The following DLGAP2 variants were observed in gnomAD, a reference collection of about 807,000 sequenced individuals.
DLGAP2 encodes disks large-associated protein 2.
A neutral mutation model predicts 100.3 loss-of-function variants in DLGAP2; 26 were observed. That is an observed-to-expected ratio of 0.26 (90% CI 0.19 to 0.36). DLGAP2 has a LOEUF of 0.36. Ranked by LOEUF, DLGAP2 falls within the 10% of genes least tolerant of loss-of-function variation. The pLI is 1.00. For synonymous variants in DLGAP2, 886 were observed against 630.1 expected, an observed-to-expected ratio of 1.41 and a Z score of -6.08; for missense variants, 1,858 against 1,453.2, an observed-to-expected ratio of 1.28 and a Z score of -4.53.
chr8:1,558,403 C>A (rs1254590627), intron 5 of DLGAP2, among the ~76,000 whole-genome samples: 1 of 152,180 alleles, frequency 6.6e-6, no homozygotes, highest in Non-Finnish European at 1.5e-5. Flanking sequence ...GGGGGACACA[C>A]CTATGGGTCA....
At chr8:1,109,106 G>T (rs1804873478) in intron 2 of DLGAP2, among the ~76,000 whole-genome samples, 1 of 135,482 alleles carries the variant, frequency 7.4e-6, no homozygotes, top group Non-Finnish European at 1.6e-5. Flanking sequence ...GTGTGCACGG[G>T]TCTGTGAGGT....
chr8:1,365,893 C>T lies in DLGAP2; in HGVS notation c.106+107010C>T, dbSNP rs560939602. Among the ~76,000 whole-genome samples the T allele has an allele frequency of 3.9e-5, 6 of 152,314 alleles. No individual in the cohort carries two copies. In the South Asian group the frequency reaches 1.2e-3, roughly 32 times the overall value. On this transcript the variant is annotated intron_variant, in intron 3 of 14. Coordinates refer to ENST00000637795, the MANE Select transcript of DLGAP2 (RefSeq NM_001346810.2). ...TCTAACTCCCCAGAATAAACATCTG[C>T]CCAGGAGGAAAAACAGGTGATGGCA...
chr8:1,027,476 C>T (rs564206374), intron 2 of DLGAP2, among the ~76,000 whole-genome samples: 4 of 142,046 alleles, frequency 2.8e-5, no homozygotes, highest in East Asian at 2.2e-4. Context: ...GGGTGTCAGG[C>T]GCCCATTATT....
chr8:1,091,068 C>G (rs903033239), intron 2 of DLGAP2, among the ~76,000 whole-genome samples: 1 of 152,134 alleles, frequency 6.6e-6, no homozygotes, highest in Non-Finnish European at 1.5e-5. Flanking sequence ...AGTCTTGCCC[C>G]GTCTGCGCAC....
chr8:1,647,325 A>G (rs1289646809), intron 8 of DLGAP2, among the ~76,000 whole-genome samples: 1 of 151,676 alleles, frequency 6.6e-6, no homozygotes. Flanking sequence ...TCTCTACTAA[A>G]CAAAACACAA....
At chr8:905,724 G>C (rs528719147) in intron 1 of DLGAP2, among the ~76,000 whole-genome samples, 1 of 152,162 alleles carries the variant, frequency 6.6e-6, no homozygotes, top group Non-Finnish European at 1.5e-5. Flanking sequence ...CGGCATTTGA[G>C]GGGGGCGCCA....
chr8:1,012,834 C>T (rs1008713990), intron 2 of DLGAP2, among the ~76,000 whole-genome samples: 6 of 151,642 alleles, frequency 4.0e-5, no homozygotes, highest in African/African-American at 9.7e-5. Context: ...AGTGTTCCCC[C>T]GCCTCCACCC....
intron 3 of DLGAP2, chr8:1,379,671 G>A (rs1796045680): frequency 6.6e-6 from 1 of 152,278 alleles, no homozygotes; most frequent in Admixed American, 6.5e-5. Context: ...CTTTCTAACT[G>A]GCAGGGACCC....
intron 3 of DLGAP2, chr8:1,297,063 C>CCGG (rs2116982621): frequency 6.6e-6 from 1 of 152,312 alleles, no homozygotes; most frequent in Non-Finnish European, 1.5e-5. Context: ...GAGCAGGTTC[C>CCGG]CAGCACAGAG....
intron 2 of DLGAP2, among the ~76,000 whole-genome samples, chr8:1,193,521 C>A (rs1797683244): frequency 6.6e-6 from 1 of 152,186 alleles, no homozygotes; most frequent in Non-Finnish European, 1.5e-5. Context: ...GTTCAGGGCT[C>A]ATTCACGCTG....
intron 1 of DLGAP2, among the ~76,000 whole-genome samples, chr8:758,366 G>T (rs1820973764): frequency 6.6e-6 from 1 of 151,988 alleles, no homozygotes; most frequent in South Asian, 2.1e-4. Context: ...TGCTTATCAG[G>T]TTGTATTTAA....
chr8:942,442 A>T (rs964423414), intron 2 of DLGAP2, among the ~76,000 whole-genome samples: 4 of 152,180 alleles, frequency 2.6e-5, no homozygotes, highest in Non-Finnish European at 4.4e-5. Flanking sequence ...CCCACCTGGG[A>T]TGTACTTTTC....
chr8:1,603,833 C>A (rs997965865), intron 6 of DLGAP2, among the ~76,000 whole-genome samples: 1 of 152,072 alleles, frequency 6.6e-6, no homozygotes, highest in African/African-American at 2.4e-5. Context: ...CCTCCCCATG[C>A]GTCCTGCTGG....
chr8:1,189,169 C>T (rs1161137520), intron 2 of DLGAP2, among the ~76,000 whole-genome samples: 1 of 124,518 alleles, frequency 8.0e-6, no homozygotes, highest in African/African-American at 5.6e-5. Context: ...GGTTCGGGCC[C>T]CAGGCCGATT....
intron 4 of DLGAP2, among the ~76,000 whole-genome samples, chr8:1,503,204 GCT>G (rs1262822587): frequency 6.6e-6 from 1 of 152,108 alleles, no homozygotes; most frequent in East Asian, 1.9e-4. Flanking sequence ...CATTCATGTT[GCT>G]GTATAGCCGT....
chr8:1,349,106 G>A (rs73670778), intron 3 of DLGAP2, among the ~76,000 whole-genome samples: 335 of 151,488 alleles, frequency 2.2e-3, no homozygotes, highest in African/African-American at 7.5e-3. Context: ...GAGTGCTGCC[G>A]TTTTTAAGGG....
intron 3 of DLGAP2, among the ~76,000 whole-genome samples, chr8:1,409,407 C>T (rs1396979702): frequency 6.6e-6 from 1 of 152,236 alleles, no homozygotes; most frequent in Non-Finnish European, 1.5e-5. Context: ...TGGTGCTGAG[C>T]ACAGAATTGT....
At chr8:1,407,053 T>C (rs76156858) in intron 3 of DLGAP2, among the ~76,000 whole-genome samples, 9 of 20,262 alleles carry the variant, frequency 4.4e-4, no homozygotes, top group Admixed American at 9.6e-4. Context: ...GCCACCTCCT[T>C]GTCCTCCGGA....
rs77084302 is a variant in DLGAP2 at position 1,176,000 on chromosome 8, C to T, written c.74-82851C>T. Among the ~76,000 whole-genome samples, 165 of 152,212 alleles carry T rather than the reference C, an allele frequency of 1.1e-3. 2 individuals carry two copies. The East Asian group carries it at 0.024, about 22-fold the overall frequency. On this transcript the variant is annotated intron_variant, in intron 2 of 14. Coordinates refer to ENST00000637795, the MANE Select transcript of DLGAP2 (RefSeq NM_001346810.2). ...CAGGGCCTATGTCATACCATCCGCC[C>T]GATAAATATTGACTGGTCCATCTTC...
Sources: allele counts gnomAD v4.1 joint callset (sites outside exome capture counted in the v4.1 genomes callset), GRCh38; gene constraint gnomAD v4.1.1; transcripts MANE v1.5; gene names NCBI Gene and HGNC (gene_info 2026-07-23, HGNC 2026-07-21).